UBR3: variants seen among roughly 807,000 people sequenced by gnomAD.
UBR3 encodes the protein ubiquitin protein ligase E3 component n-recognin 3.
A neutral mutation model predicts 243.2 loss-of-function variants in UBR3; 85 were observed. That is an observed-to-expected ratio of 0.35 (90% CI 0.29 to 0.42). The LOEUF (loss-of-function observed/expected upper bound fraction) is 0.42, where lower values mean the gene tolerates loss of function less well. Among genes scored for constraint, UBR3 ranks in the 10% least tolerant of loss-of-function variants. The pLI, the probability that UBR3 is intolerant of heterozygous loss-of-function variation, is 1.00. For synonymous variants in UBR3, 748 were observed against 799.8 expected, an observed-to-expected ratio of 0.94 and a Z score of 1.09; for missense variants, 1,686 against 2,300.8, an observed-to-expected ratio of 0.73 and a Z score of 5.47.
intron 8 of UBR3, among the ~76,000 whole-genome samples, chr2:169,902,769 C>G (rs971118876): frequency 5.3e-5 from 8 of 152,134 alleles, no homozygotes; most frequent in African/African-American, 1.9e-4. Flanking sequence ...GCCACCACGC[C>G]CAGCTAACTT....
chr2:169,998,470 T>C (rs528330669), intron 26 of UBR3, among the ~76,000 whole-genome samples: 4 of 152,366 alleles, frequency 2.6e-5, no homozygotes, highest in Non-Finnish European at 5.9e-5. Flanking sequence ...CTGTTTTATG[T>C]ATATATGGCA....
chr2:169,974,152 TCTGG>T (rs1488982297), intron 24 of UBR3, among the ~76,000 whole-genome samples: 2 of 152,178 alleles, frequency 1.3e-5, no homozygotes, highest in Admixed American at 6.5e-5. Context: ...TATGTCTTTG[TCTGG>T]TTTTTGTATC....
chr2:170,048,087 C>T (rs1363505190), intron 32 of UBR3, among the ~76,000 whole-genome samples: 2 of 152,188 alleles, frequency 1.3e-5, no homozygotes, highest in African/African-American at 4.8e-5. Context: ...CTTCTGCTTA[C>T]TCCTTAGAAA....
intron 29 of UBR3, among the ~76,000 whole-genome samples, chr2:170,012,673 GT>G (rs34266638): frequency 4.8e-5 from 7 of 145,426 alleles, no homozygotes; most frequent in African/African-American, 7.6e-5. Context: ...GAAGATACTG[GT>G]TTTTTTTTTT....
chr2:169,848,906 C>T (rs10181352), intron 1 of UBR3, among the ~76,000 whole-genome samples: 26,924 of 152,044 alleles, frequency 0.18, 2,634 homozygotes, highest in South Asian at 0.35. Context: ...AAGACAAACA[C>T]ACACAATCCC....
At chr2:170,022,448 A>G (rs969339632) in intron 30 of UBR3, among the ~76,000 whole-genome samples, 1 of 152,128 alleles carries the variant, frequency 6.6e-6, no homozygotes, top group Non-Finnish European at 1.5e-5. Context: ...TCTATTCCCA[A>G]AATCCCATGT....
In UBR3 at chr2:169,872,476, G is replaced by A. The variant is rs1025289926; in HGVS notation, c.685+101G>A. Reference sequence around the variant, plus strand: ...TGAATTTTTTTAGATATCTTTTTTTGTTTAACATTTAAAAAGAGATGACTA... The same window carrying A: ...TGAATTTTTTTAGATATCTTTTTTTATTTAACATTTAAAAAGAGATGACTA... On this transcript the variant is annotated intron_variant, in intron 2 of 38. Transcript: ENST00000272793. The A allele has an allele frequency of 1.2e-5, 10 of 848,576 alleles. No individual in the cohort carries two copies. In the South Asian group the frequency reaches 2.1e-4, roughly 18 times the overall value. The allele number at this position is 848,576 out of a possible 1,614,324, so 52.6% of individuals were successfully genotyped here.
rs904447473 is a variant in UBR3 at position 169,932,624 on chromosome 2, AAAC to A, written c.2567-273_2567-271del. ...TGTTTCTTTCTAATTGGCACCTTAC[AAAC>A]AACAACAACAACAATGAAGTAAACT... On this transcript the variant is annotated intron_variant, in intron 18 of 38. Transcript: ENST00000272793. 5.9e-5 allele frequency among the ~76,000 whole-genome samples: 9 copies of A among 152,158 alleles called. No individual in the cohort carries two copies. In the South Asian group the frequency reaches 6.2e-4, roughly 11 times the overall value.
intron 1 of UBR3, among the ~76,000 whole-genome samples, chr2:169,837,599 C>T (rs2082150021): frequency 6.6e-6 from 1 of 152,140 alleles, no homozygotes; most frequent in African/African-American, 2.4e-5. Flanking sequence ...GTAGAAGGCA[C>T]CTAGTCACAG....
At chr2:169,871,743 C>CAAAATAAAAAAAAAAA (rs2083445036) in intron 1 of UBR3, among the ~76,000 whole-genome samples, 2 of 94,998 alleles carry the variant, frequency 2.1e-5, no homozygotes, top group Admixed American at 1.2e-4. Flanking sequence ...CCAAGACTCT[C>CAAAATAAAAAAAAAAA]AAAAAAAAAA....
chr2:169,972,589 G>A (rs921890736), intron 24 of UBR3, among the ~76,000 whole-genome samples: 1 of 152,196 alleles, frequency 6.6e-6, no homozygotes, highest in African/African-American at 2.4e-5. Flanking sequence ...TTTCATCCCT[G>A]GGATGCAAGG....
rs548299611 is a variant in UBR3 at position 170,021,392 on chromosome 2, G to A, written c.4453+6026G>A. Among the ~76,000 whole-genome samples the A allele has an allele frequency of 6.6e-5, 10 of 152,252 alleles. No homozygotes were observed. In the East Asian group the frequency reaches 7.7e-4, roughly 12 times the overall value. On this transcript the variant is annotated intron_variant, in intron 30 of 38. Coordinates refer to ENST00000272793, the MANE Select transcript of UBR3 (RefSeq NM_172070.4). Reference sequence around the variant, plus strand: ...TAAGATCAAGGCTCCAGCAGATTTGGTGTCTGGTGAGGGCCTGCTTGCTTC... The same window carrying A: ...TAAGATCAAGGCTCCAGCAGATTTGATGTCTGGTGAGGGCCTGCTTGCTTC...
chr2:169,935,376 G>A (rs1416142001), intron 19 of UBR3, among the ~76,000 whole-genome samples: 4 of 152,004 alleles, frequency 2.6e-5, no homozygotes, highest in Admixed American at 2.0e-4. Flanking sequence ...GCTATATTGC[G>A]CAGGCTGGTG....
intron 1 of UBR3, among the ~76,000 whole-genome samples, chr2:169,839,813 G>A (rs1383307488): frequency 6.6e-6 from 1 of 152,232 alleles, no homozygotes; most frequent in Non-Finnish European, 1.5e-5. Flanking sequence ...CTTAAGGCTT[G>A]AGAATAATTG....
chr2:169,851,092 G>A (rs961164549), intron 1 of UBR3, among the ~76,000 whole-genome samples: 29 of 151,984 alleles, frequency 1.9e-4, no homozygotes, highest in African/African-American at 7.0e-4. Context: ...TTTTGATATG[G>A]TTTTATTAAC....
At chr2:169,837,637 G>A (rs746086337) in intron 1 of UBR3, among the ~76,000 whole-genome samples, 2 of 152,152 alleles carry the variant, frequency 1.3e-5, no homozygotes, top group Non-Finnish European at 2.9e-5. Context: ...AGCGAGCAGG[G>A]GAAATGCCAG....
intron 20 of UBR3, 56 bp downstream of exon 20, chr2:169,942,690 A>T: frequency 7.1e-7 from 1 of 1,409,244 alleles, no homozygotes; most frequent in East Asian, 2.6e-5. Context: ...TCAAATAATA[A>T]TCCTAAAGGA....
chr2:169,925,852 C>A, intron 14 of UBR3, 105 bp downstream of exon 14: 1 of 1,023,736 alleles, frequency 9.8e-7, no homozygotes, highest in Non-Finnish European at 1.3e-6. Flanking sequence ...GAGGCCAATG[C>A]CATTGAAAGA....
chr2:169,890,527 A>G (rs1338287785), intron 5 of UBR3, among the ~76,000 whole-genome samples: 1 of 63,418 alleles, frequency 1.6e-5, no homozygotes, highest in Admixed American at 1.8e-4. Context: ...TTTTTCTAGG[A>G]GAGAGAGAGA....
Sources: gnomAD v4.1 joint callset for allele counts (sites outside exome capture counted in the v4.1 genomes callset) on GRCh38, gnomAD v4.1.1 for gene constraint, MANE v1.5 for transcripts, NCBI Gene and HGNC (gene_info 2026-07-23, HGNC 2026-07-21) for gene names.